APOB: variants seen among roughly 807,000 people sequenced by gnomAD.
The protein encoded by APOB is apolipoprotein B.
In APOB, 153 loss-of-function variants were observed where a neutral mutation model predicts 314.1. The ratio of observed to expected loss-of-function variants is 0.49; its 90% CI spans 0.43 to 0.56. The LOEUF is 0.56. APOB is among the 20% of genes least tolerant of loss of function. The pLI, the probability that APOB is intolerant of heterozygous loss-of-function variation, is 0.00. For missense variants in APOB, 5,430 were observed against 5,350.7 expected (o/e 1.01, Z -0.46); for synonymous variants, 2,087 against 2,036.4 (o/e 1.02, Z -0.67).
Position 21,001,585 on chromosome 2 carries a change from C to T in APOB, c.*145G>A. Reference sequence around the variant, plus strand: ...TGCCAGCTTTGGTGCAGGTCCAGTTCATATGTGCTTCTGCTTATAGTCTAC... The same window carrying T: ...TGCCAGCTTTGGTGCAGGTCCAGTTTATATGTGCTTCTGCTTATAGTCTAC... On this transcript the variant is annotated 3_prime_UTR_variant, in exon 29 of 29. Coordinates refer to ENST00000233242, the MANE Select transcript of APOB (RefSeq NM_000384.3). 1 of 747,144 alleles carries T rather than the reference C, an allele frequency of 1.3e-6. No homozygotes were observed. Among genetic ancestry groups the T allele is most frequent in the South Asian group, 1.8e-5 (1 of 54,786 alleles). 46.3% of individuals were successfully genotyped at this position (747,144 alleles called of 1,614,324 possible). A position where few individuals can be genotyped will look rare whatever the true frequency, so the allele number is the denominator to read the frequency against.
intron 18 of APOB, among the ~76,000 whole-genome samples, chr2:21,021,452 A>G (rs1350900913): frequency 3.9e-5 from 6 of 152,190 alleles, no homozygotes; most frequent in Non-Finnish European, 5.9e-5. Context: ...CACTAGAGTC[A>G]GAGTATTTCT....
intron 9 of APOB, 101 bp downstream of exon 9, chr2:21,033,198 G>A: frequency 1.2e-6 from 1 of 856,930 alleles, no homozygotes; most frequent in East Asian, 2.5e-5. Flanking sequence ...TAACTGGATT[G>A]ATATCCAAAT....
At position 21,011,252 on chromosome 2, in the gene APOB, G is replaced by A. The variant is rs1487486971; in HGVS notation, c.5616C>T (p.Ile1872=). The change falls in exon 26 of 29, where the codon ATC becomes ATT. Residue 1872 remains isoleucine, a synonymous_variant. Coordinates refer to ENST00000233242, the MANE Select transcript of APOB (RefSeq NM_000384.3). The part of the protein sequence containing the change: ...VEFSHRLNTD[I]AGLASAIDMS... The stretch of plus-strand genomic sequence containing the variant: ...TGTCAATGGCTGAAGCCAGCCCAGC[G>A]ATGTCTGTGTTGAGCCGATGGCTAA... 6.8e-6 allele frequency: 11 copies of A among 1,614,088 alleles called. No individual in the cohort carries two copies. Among genetic ancestry groups the A allele is most frequent in the East Asian group, 4.5e-5 (2 of 44,902 alleles).
At chr2:21,037,294 G>T (rs143912797) in intron 5 of APOB, 39 bp from the exon 6 acceptor site, 1 of 1,605,862 alleles carries the variant, frequency 6.2e-7, no homozygotes, top group Non-Finnish European at 8.5e-7. Context: ...TATTCAACAC[G>T]GGCAACATCC....
intron 16 of APOB, chr2:21,023,907 T>G: frequency 2.3e-6 from 1 of 437,456 alleles, no homozygotes; most frequent in African/African-American, 2.0e-5. Flanking sequence ...ACTAGATAGA[T>G]ATCATGTCAT....
chr2:21,028,784 G>T (rs767382424), intron 12 of APOB, among the ~76,000 whole-genome samples: 1 of 151,968 alleles, frequency 6.6e-6, no homozygotes, highest in South Asian at 2.1e-4. Flanking sequence ...ATAAATTATG[G>T]CCAAGTTGTG....
chr2:21,002,342 A>G lies in APOB; in HGVS notation c.13080T>C (p.Asn4360=), dbSNP rs757044199. The G allele has an allele frequency of 6.2e-7, 1 of 1,612,282 alleles. No individual in the cohort carries two copies. The highest frequency in any genetic ancestry group is 8.5e-7 in the Non-Finnish European group (1 of 1,179,404). ...ENLCLNLHKF[N]EFIQNELQEA... ...CCTGAAGCTCGTTTTGAATAAATTC[A>G]TTGAACTTATGAAGATTAAGGCATA... The change falls in exon 29 of 29, where the codon AAT becomes AAC. Residue 4360 remains asparagine (N), a synonymous_variant. Coordinates refer to ENST00000233242, the MANE Select transcript of APOB (RefSeq NM_000384.3).
At chr2:21,028,245 G>C in intron 13 of APOB, 82 bp downstream of exon 13, 1 of 1,298,540 alleles carries the variant, frequency 7.7e-7, no homozygotes, top group Non-Finnish European at 1.1e-6. Context: ...AGCAAGGGCA[G>C]ACAGTGGCTA....
chr2:21,027,611 C>T (rs57682814), intron 14 of APOB, among the ~76,000 whole-genome samples: 1 of 152,266 alleles, frequency 6.6e-6, no homozygotes, highest in East Asian at 1.9e-4. Flanking sequence ...CCTCGCCAGG[C>T]CTGCATTTCT....
At chr2:21,016,268 CAG>C (rs1454734226) in intron 21 of APOB, among the ~76,000 whole-genome samples, 169 bp downstream of exon 21, 1 of 150,418 alleles carries the variant, frequency 6.6e-6, no homozygotes, top group Non-Finnish European at 1.5e-5. Flanking sequence ...AGCCTGGTGA[CAG>C]AGTGAGACTC....
chr2:21,031,682 C>T (rs955710799), intron 10 of APOB, among the ~76,000 whole-genome samples: 1 of 152,140 alleles, frequency 6.6e-6, no homozygotes, highest in African/African-American at 2.4e-5. Flanking sequence ...AACCCTGTAT[C>T]TACCAAGAAT....
In APOB at chr2:21,029,719, A is replaced by G. The variant is rs938250596; in HGVS notation, c.1537T>C (p.Cys513Arg). 2 of 1,614,058 alleles carry G rather than the reference A, an allele frequency of 1.2e-6. No individual in the cohort carries two copies. The highest frequency in any genetic ancestry group is 1.3e-5 in the African/African-American group (1 of 74,926). ...AGTGATGGCTTTGTACTTTGGACAC[A>G]TTTCAGGATTGAAGACTTGAGTTCT... ...TPELKSSILK[C>R]VQSTKPSLMI... Residue 513 changes from cysteine (C) to arginine (R), a missense_variant, in exon 12 of 29, where the codon TGT becomes CGT. By Grantham distance (180) the Cys-to-Arg change is radical. Transcript: ENST00000233242.
chr2:21,038,301 T>C (rs1005546966), intron 4 of APOB, among the ~76,000 whole-genome samples, 190 bp from the exon 5 acceptor site: 3 of 152,190 alleles, frequency 2.0e-5, no homozygotes, highest in Non-Finnish European at 4.4e-5. Flanking sequence ...CACATATACA[T>C]AAGTTTTGGT....
chr2:21,040,385 T>G (rs1664101146), intron 4 of APOB, among the ~76,000 whole-genome samples: 1 of 152,088 alleles, frequency 6.6e-6, no homozygotes, highest in Non-Finnish European at 1.5e-5. Context: ...CTACAAACTG[T>G]GATTGAGGAT....
chr2:21,005,204 C>A lies in APOB; in HGVS notation c.11664G>T (p.Glu3888Asp). 1 of 1,614,034 alleles carries A rather than the reference C, an allele frequency of 6.2e-7. No individual in the cohort carries two copies. Among genetic ancestry groups the A allele is most frequent in the South Asian group, 1.1e-5 (1 of 91,080 alleles). The change falls in exon 26 of 29, where the codon GAG becomes GAT. Residue 3888 changes from glutamate (E) to aspartate (D), a missense_variant. By Grantham distance (45) the Glu-to-Asp change is conservative. This residue lies in a region of APOB where 3,281 missense variants were observed against 3,171.0 expected (regional missense o/e 1.03). Transcript: ENST00000233242. ...PSFQALTARF[E>D]VDSPVYNATW... ...TGGCATTATACACGGGAGAGTCTAC[C>A]TCAAAGCGTGCAGTCAGTGCTTGAA...
In APOB at chr2:21,009,784, C is replaced by T; in HGVS notation, c.7084G>A (p.Val2362Ile). 1 of 1,613,996 alleles carries T rather than the reference C, an allele frequency of 6.2e-7. No homozygotes were observed. Among genetic ancestry groups the T allele is most frequent in the South Asian group, 1.1e-5 (1 of 91,072 alleles). Reference sequence around the variant, plus strand: ...AACTTGTATTGGTGGGCCAACTCTACTAATTTATCCATTAAAACCTGGATT... The same window carrying T: ...AACTTGTATTGGTGGGCCAACTCTATTAATTTATCCATTAAAACCTGGATT... ...QQIQVLMDKLVELAHQYKLKE... is the reference protein window; with the variant it reads ...QQIQVLMDKLIELAHQYKLKE... Residue 2362 changes from valine (V) to isoleucine (I), a missense_variant, in exon 26 of 29, where the codon GTA (valine) becomes ATA (isoleucine). Coordinates refer to ENST00000233242, the MANE Select transcript of APOB (RefSeq NM_000384.3).
chr2:21,039,263 C>T (rs1356050755), intron 4 of APOB, among the ~76,000 whole-genome samples: 1 of 152,234 alleles, frequency 6.6e-6, no homozygotes, highest in Non-Finnish European at 1.5e-5. Flanking sequence ...CACTGTTTTC[C>T]AGTTTTGCAG....
At chr2:21,020,154 C>T (rs12720783) in intron 18 of APOB, among the ~76,000 whole-genome samples, 5 of 152,142 alleles carry the variant, frequency 3.3e-5, no homozygotes, top group Non-Finnish European at 7.4e-5. Context: ...CAACAGTAGG[C>T]TTATGGTTCT....
At position 21,002,323 on chromosome 2, in the gene APOB, GCT is replaced by G; in HGVS notation, c.13097_13098del (p.Glu4366AlafsTer20). On this transcript the variant is annotated frameshift_variant, in exon 29 of 29. Coordinates refer to ENST00000233242, the MANE Select transcript of APOB (RefSeq NM_000384.3). LOFTEE classifies it low-confidence loss of function (END_TRUNC). ...LHKFNEFIQN[E>X]LQEASQELQQ... ...TGTAACTCTTGAGAAGCTTCCTGAA[GCT>G]CGTTTTGAATAAATTCATTGAACTT... is the stretch of plus-strand genomic sequence containing the variant. The G allele has an allele frequency of 6.2e-7, 1 of 1,612,710 alleles. No individual in the cohort carries two copies. Among genetic ancestry groups the G allele is most frequent in the South Asian group, 1.1e-5 (1 of 90,570 alleles).
Sources: allele counts gnomAD v4.1 joint callset (sites outside exome capture counted in the v4.1 genomes callset), GRCh38; gene constraint gnomAD v4.1.1; regional missense constraint gnomAD v4.1.1; transcripts MANE v1.5; gene names NCBI Gene and HGNC (gene_info 2026-07-23, HGNC 2026-07-21).